The following XKR6 variants were observed in gnomAD, a reference collection of about 807,000 sequenced individuals.
XKR6 encodes the protein XK-related protein 6.
Under a neutral mutation model 56.7 loss-of-function variants are expected in XKR6, and 22 were observed. That is an observed-to-expected ratio of 0.39 (90% CI 0.28 to 0.55). The LOEUF is 0.55. Ranked by LOEUF, XKR6 falls within the 20% of genes least tolerant of loss-of-function variation. The pLI, the probability that XKR6 is intolerant of heterozygous loss-of-function variation, is 0.66. For missense variants in XKR6, 852 were observed against 889.0 expected, an observed-to-expected ratio of 0.96 and a Z score of 0.53; for synonymous variants, 524 against 387.8, an observed-to-expected ratio of 1.35 and a Z score of -4.13.
intron 1 of XKR6, among the ~76,000 whole-genome samples, chr8:11,007,185 G>C (rs1001201973): frequency 5.9e-5 from 9 of 152,178 alleles, no homozygotes; most frequent in African/African-American, 2.2e-4. Flanking sequence ...TGAGGGATAG[G>C]TCAGGAGAGT....
intron 1 of XKR6, among the ~76,000 whole-genome samples, chr8:11,042,346 CAT>C (rs937724042): frequency 5.9e-5 from 9 of 152,036 alleles, no homozygotes; most frequent in Admixed American, 3.9e-4. Context: ...ATAATCCCCA[CAT>C]GTCATGGGAG....
In XKR6 at chr8:10,898,764, C is replaced by T; in HGVS notation, c.1114G>A (p.Val372Met). The change falls in exon 3 of 3, where the codon GTG becomes ATG. Residue 372 changes from valine to methionine, a missense_variant. By Grantham distance (21) the Val-to-Met change is conservative. This residue lies in a region of XKR6 where 199 missense variants were observed against 280.4 expected (regional missense o/e 0.71). Coordinates refer to ENST00000416569, the MANE Select transcript of XKR6 (RefSeq NM_173683.4). The surrounding 1 kb of genome is among the most constrained non-coding windows in gnomAD (Gnocchi z 6.6). Reference protein sequence around the residue: ...FWRLFTISSRVISFALFASIF... With the variant: ...FWRLFTISSRMISFALFASIF... Reference sequence around the variant, plus strand: ...GAAGCAAAGAGGGCAAAAGAGATCACTCGGGATGAGATGGTGAAGAGGCGC... The same window carrying T: ...GAAGCAAAGAGGGCAAAAGAGATCATTCGGGATGAGATGGTGAAGAGGCGC... 6.2e-7 allele frequency: 1 copy of T among 1,614,156 alleles called. No individual in the cohort carries two copies. The highest frequency in any genetic ancestry group is 8.5e-7 in the Non-Finnish European group (1 of 1,180,042).
At position 11,086,508 on chromosome 8, in the gene XKR6, C is replaced by T. The variant is rs537356536; in HGVS notation, c.764+114068G>A. Among the ~76,000 whole-genome samples, 34 of 152,282 alleles carry T rather than the reference C, an allele frequency of 2.2e-4. No homozygotes were observed. The South Asian group carries it at 5.8e-3, about 26-fold the overall frequency. ...CACAGCCATGGAAAGTCATTCCTAA[C>T]GGGAGGAACACACTACACCCTGCCC... On this transcript the variant is annotated intron_variant, in intron 1 of 2. Transcript: ENST00000416569.
At chr8:11,107,218 G>C (rs1798711704) in intron 1 of XKR6, among the ~76,000 whole-genome samples, 1 of 149,078 alleles carries the variant, frequency 6.7e-6, no homozygotes, top group South Asian at 2.1e-4. Context: ...TTTTAAATAA[G>C]AGATGGGGTC....
intron 1 of XKR6, among the ~76,000 whole-genome samples, chr8:11,073,412 A>T (rs1800184840): frequency 6.6e-6 from 1 of 152,148 alleles, no homozygotes. Flanking sequence ...GAGGAGAAGA[A>T]GACCTGTATA....
At chr8:11,137,815 C>T (rs574734352) in intron 1 of XKR6, 12 of 393,548 alleles carry the variant, frequency 3.0e-5, no homozygotes, top group East Asian at 1.4e-4. Context: ...TGAACTGCAC[C>T]GCAACTCTAG....
intron 1 of XKR6, among the ~76,000 whole-genome samples, chr8:11,192,285 A>T (rs1223801901): frequency 6.6e-6 from 1 of 151,940 alleles, no homozygotes; most frequent in Non-Finnish European, 1.5e-5. Context: ...CAGCCTCCTG[A>T]GTAGCTGGGA....
chr8:11,041,862 C>T (rs1250835643), intron 1 of XKR6, among the ~76,000 whole-genome samples: 1 of 152,200 alleles, frequency 6.6e-6, no homozygotes, highest in Non-Finnish European at 1.5e-5. Context: ...TTTCTCTCTG[C>T]ACCAACACAT....
intron 1 of XKR6, among the ~76,000 whole-genome samples, chr8:11,198,965 C>T (rs1460309453): frequency 6.6e-6 from 1 of 151,452 alleles, no homozygotes; most frequent in Non-Finnish European, 1.5e-5. Flanking sequence ...ACCTTTCATT[C>T]GATATGACTT....
intron 1 of XKR6, among the ~76,000 whole-genome samples, chr8:11,188,680 C>T (rs1450304841): frequency 6.6e-6 from 1 of 152,144 alleles, no homozygotes; most frequent in Non-Finnish European, 1.5e-5. Context: ...CTGTTGACTA[C>T]TCAAAAGCTG....
chr8:11,070,671 A>C (rs1026043795), intron 1 of XKR6, among the ~76,000 whole-genome samples: 2 of 152,256 alleles, frequency 1.3e-5, no homozygotes, highest in African/African-American at 4.8e-5. Context: ...CCTCACATTT[A>C]CATAGCACTT....
intron 1 of XKR6, among the ~76,000 whole-genome samples, chr8:11,077,006 T>A (rs898208152): frequency 2.0e-5 from 3 of 151,914 alleles, no homozygotes; most frequent in South Asian, 2.1e-4. Flanking sequence ...TGAGACCCCA[T>A]CTCTACAAAA....
At position 10,906,295 on chromosome 8, in the gene XKR6, G is replaced by A. The variant is rs181126415; in HGVS notation, c.962-7379C>T. ...GTTAAACATTTACCAGCACACCACCGGTCAGGATCAGCCATCCTTCTTGAA... is the reference window on the plus strand; with the variant it reads ...GTTAAACATTTACCAGCACACCACCAGTCAGGATCAGCCATCCTTCTTGAA... On this transcript the variant is annotated intron_variant, in intron 2 of 2. Transcript: ENST00000416569. 2.4e-3 allele frequency among the ~76,000 whole-genome samples: 363 copies of A among 152,236 alleles called. 1 individual carries two copies. Among genetic ancestry groups the A allele is most frequent in the African/African-American group, 8.0e-3 (333 of 41,528 alleles).
At chr8:11,149,598 G>T (rs1801167147) in intron 1 of XKR6, among the ~76,000 whole-genome samples, 1 of 151,696 alleles carries the variant, frequency 6.6e-6, no homozygotes, top group African/African-American at 2.4e-5. Context: ...TTTCAAGAAT[G>T]CCTATGCTTC....
chr8:11,094,650 C>A (rs560516202), intron 1 of XKR6, among the ~76,000 whole-genome samples: 2 of 152,164 alleles, frequency 1.3e-5, no homozygotes, highest in Non-Finnish European at 2.9e-5. Flanking sequence ...GTGGGACCGA[C>A]ATCGATGGAG....
At chr8:11,058,011 TTAACTC>T (rs1186575862) in intron 1 of XKR6, among the ~76,000 whole-genome samples, 1 of 152,242 alleles carries the variant, frequency 6.6e-6, no homozygotes, top group Non-Finnish European at 1.5e-5. Context: ...TGTGTTGCCT[TTAACTC>T]TAAATGACCA....
At chr8:11,017,708 G>A (rs1798658407) in intron 1 of XKR6, among the ~76,000 whole-genome samples, 1 of 152,216 alleles carries the variant, frequency 6.6e-6, no homozygotes, top group Admixed American at 6.5e-5. Context: ...ACACGAGAGG[G>A]GCAGGCATTT....
At chr8:11,013,403 G>A (rs1164891533) in intron 1 of XKR6, among the ~76,000 whole-genome samples, 1 of 152,178 alleles carries the variant, frequency 6.6e-6, no homozygotes, top group Non-Finnish European at 1.5e-5. Flanking sequence ...GGCCACAGAG[G>A]TGAAGCTTCA....
chr8:10,943,933 C>G (rs973038038), intron 1 of XKR6, among the ~76,000 whole-genome samples: 1 of 152,122 alleles, frequency 6.6e-6, no homozygotes, highest in African/African-American at 2.4e-5. Context: ...TAAAGCCAGG[C>G]GGAAGTCTCC....
Sources: gnomAD v4.1 joint callset for allele counts (sites outside exome capture counted in the v4.1 genomes callset) on GRCh38, gnomAD v4.1.1 for gene constraint, gnomAD v4.1.1 regional missense constraint, Gnocchi (gnomAD v3.1) non-coding constraint, MANE v1.5 for transcripts, NCBI Gene and HGNC (gene_info 2026-07-23, HGNC 2026-07-21) for gene names.